The following NEO1 variants were observed in gnomAD, a reference collection of about 807,000 sequenced individuals.
NEO1 encodes the protein neogenin 1.
Under a neutral mutation model 159.7 loss-of-function variants are expected in NEO1, and 63 were observed. The observed-to-expected ratio is 0.39, with a 90% confidence interval of 0.32 to 0.49. The LOEUF is 0.49. NEO1 is among the 20% of genes least tolerant of loss of function. NEO1 has a pLI of 0.85. For missense variants in NEO1, 1,615 were observed against 1,831.0 expected (o/e 0.88, Z 2.15); for synonymous variants, 633 against 662.0 (o/e 0.96, Z 0.67).
At chr15:73,071,753 T>C (rs1462536847) in intron 1 of NEO1, among the ~76,000 whole-genome samples, 1 of 152,198 alleles carries the variant, frequency 6.6e-6, no homozygotes, top group Non-Finnish European at 1.5e-5. Flanking sequence ...TAGGCTCAAA[T>C]GATCGGCCCA....
At chr15:73,064,103 T>C (rs2068096924) in intron 1 of NEO1, among the ~76,000 whole-genome samples, 1 of 152,210 alleles carries the variant, frequency 6.6e-6, no homozygotes, top group South Asian at 2.1e-4. Flanking sequence ...TTATTTCTTC[T>C]TCAGAGTAGT....
At chr15:73,249,837 T>C in intron 11 of NEO1, 116 bp downstream of exon 11, 1 of 1,202,610 alleles carries the variant, frequency 8.3e-7, no homozygotes, top group Non-Finnish European at 1.1e-6. Flanking sequence ...TTTTACCTCT[T>C]TCTGGTAATA....
rs2067513729 is a variant in NEO1, at chr15:73,052,762, G to GGGCGCCGCGGCCGCCAGGAGC, written c.91_111dup (p.Ala31_Gly37dup). 7.9e-7 allele frequency: 1 copy of GGGCGCCGCGGCCGCCAGGAGC among 1,262,486 alleles called. No individual in the cohort carries two copies. Among genetic ancestry groups the GGGCGCCGCGGCCGCCAGGAGC allele is most frequent in the Non-Finnish European group, 1.0e-6 (1 of 997,688 alleles). The allele number at this position is 1,262,486 out of a possible 1,614,324, so 78.2% of individuals were successfully genotyped here. ...TGCTGCTGCTCGGGCGCCGGGCGCCGGGCGCCGCGGCCGCCAGGAGCGGCT... is the reference window on the plus strand; with the variant it reads ...TGCTGCTGCTCGGGCGCCGGGCGCCGGGCGCCGCGGCCGCCAGGAGCGGCGCCGCGGCCGCCAGGAGCGGCT... On this transcript the variant is annotated inframe_insertion, in exon 1 of 29. Coordinates refer to ENST00000261908, the MANE Select transcript of NEO1 (RefSeq NM_002499.4).
intron 13 of NEO1, among the ~76,000 whole-genome samples, chr15:73,257,187 C>CATTTGCCAT (rs2040406642): frequency 1.2e-5 from 1 of 86,182 alleles, no homozygotes; most frequent in African/African-American, 4.2e-5. Flanking sequence ...AGATAAATAA[C>CATTTGCCAT]ATTTGCCATT....
chr15:73,187,484 T>A (rs2035996538), intron 7 of NEO1, among the ~76,000 whole-genome samples: 1 of 152,176 alleles, frequency 6.6e-6, no homozygotes, highest in Admixed American at 6.6e-5. Context: ...TCACAAACTA[T>A]CACGGCTGAA....
At chr15:73,103,948 G>C (rs751097342) in intron 1 of NEO1, among the ~76,000 whole-genome samples, 2 of 152,082 alleles carry the variant, frequency 1.3e-5, no homozygotes, top group Non-Finnish European at 2.9e-5. Context: ...TTTATCTCCT[G>C]GGCTCAAGCA....
At position 73,052,531 on chromosome 15, in the gene NEO1, G is replaced by C; in HGVS notation, c.-145G>C. 1 of 309,518 alleles carries C rather than the reference G, an allele frequency of 3.2e-6. No individual in the cohort carries two copies. The highest frequency in any genetic ancestry group is 5.4e-6 in the Non-Finnish European group (1 of 186,226). The allele number at this position is 309,518 out of a possible 1,614,324, so 19.2% of individuals were successfully genotyped here. On this transcript the variant is annotated 5_prime_UTR_variant, in exon 1 of 29. Coordinates refer to ENST00000261908, the MANE Select transcript of NEO1 (RefSeq NM_002499.4). ...CCCTCCAGCGAGAGGGGCTGCGCGG[G>C]CCGGGCCGGGCCGGGCTGGGCTGGA... is the stretch of plus-strand genomic sequence containing the variant.
At chr15:73,187,039 C>T (rs1413773246) in intron 7 of NEO1, among the ~76,000 whole-genome samples, 1 of 151,968 alleles carries the variant, frequency 6.6e-6, no homozygotes, top group African/African-American at 2.4e-5. Flanking sequence ...TAGTGTAGTC[C>T]GATGTGTAGG....
intron 1 of NEO1, among the ~76,000 whole-genome samples, chr15:73,107,418 T>G (rs540140990): frequency 1.3e-5 from 2 of 152,288 alleles, no homozygotes; most frequent in East Asian, 3.9e-4. Flanking sequence ...CTGCAGAAGA[T>G]AGAGAAGGGA....
At chr15:73,123,677 C>T (rs1194103273) in intron 3 of NEO1, among the ~76,000 whole-genome samples, 1 of 152,130 alleles carries the variant, frequency 6.6e-6, no homozygotes. Context: ...CTCATAACTT[C>T]CTCCCAGTTG....
intron 5 of NEO1, among the ~76,000 whole-genome samples, chr15:73,164,210 G>GTTT (rs35133349): frequency 5.6e-5 from 7 of 125,288 alleles, no homozygotes; most frequent in Admixed American, 8.0e-5. Context: ...ATTATTATTG[G>GTTT]TTTTTTTTTT....
intron 7 of NEO1, among the ~76,000 whole-genome samples, chr15:73,220,174 C>A (rs2038151962): frequency 6.6e-6 from 1 of 152,068 alleles, no homozygotes; most frequent in East Asian, 1.9e-4. Context: ...ATTTCTCCTT[C>A]ACTTATGAAG....
At chr15:73,108,640 T>C (rs1215462619) in intron 1 of NEO1, among the ~76,000 whole-genome samples, 1 of 152,130 alleles carries the variant, frequency 6.6e-6, no homozygotes, top group Non-Finnish European at 1.5e-5. Context: ...CATGGGAAGA[T>C]AGACCTTAGA....
At chr15:73,138,124 T>C (rs2031961540) in intron 5 of NEO1, among the ~76,000 whole-genome samples, 1 of 152,120 alleles carries the variant, frequency 6.6e-6, no homozygotes, top group South Asian at 2.1e-4. Context: ...CATACAATAA[T>C]GTATAATTAT....
intron 5 of NEO1, among the ~76,000 whole-genome samples, chr15:73,163,475 A>T (rs2034337157): frequency 6.6e-6 from 1 of 152,110 alleles, no homozygotes; most frequent in Admixed American, 6.6e-5. Flanking sequence ...GTACATCTAC[A>T]AATAAATTTT....
At chr15:73,096,351 T>C (rs2070032642) in intron 1 of NEO1, among the ~76,000 whole-genome samples, 1 of 152,110 alleles carries the variant, frequency 6.6e-6, no homozygotes, top group East Asian at 1.9e-4. Flanking sequence ...TTTAGACAAG[T>C]GGGCTCAAGA....
intron 7 of NEO1, among the ~76,000 whole-genome samples, chr15:73,236,112 T>G (rs1161926355): frequency 1.3e-5 from 2 of 152,224 alleles, no homozygotes; most frequent in African/African-American, 4.8e-5. Flanking sequence ...TTTCAGTAGT[T>G]ACCCTGGCCT....
intron 1 of NEO1, among the ~76,000 whole-genome samples, chr15:73,092,853 A>G (rs1460879841): frequency 6.6e-6 from 1 of 152,224 alleles, no homozygotes; most frequent in African/African-American, 2.4e-5. Context: ...TACATTTGTT[A>G]CAATTAGTAA....
At chr15:73,107,453 A>G (rs1168081232) in intron 1 of NEO1, among the ~76,000 whole-genome samples, 1 of 152,208 alleles carries the variant, frequency 6.6e-6, no homozygotes, top group Non-Finnish European at 1.5e-5. Flanking sequence ...TTTGCAAAGG[A>G]GATGTCCTGT....
Sources: gnomAD v4.1 joint callset for allele counts (sites outside exome capture counted in the v4.1 genomes callset) on GRCh38, gnomAD v4.1.1 for gene constraint, MANE v1.5 for transcripts, NCBI Gene and HGNC (gene_info 2026-07-23, HGNC 2026-07-21) for gene names.